The following FGF17 variants were observed in gnomAD, a reference collection of about 807,000 sequenced individuals.
FGF17 encodes fibroblast growth factor 17.
A neutral mutation model predicts 23.5 loss-of-function variants in FGF17; 5 were observed. The observed-to-expected ratio is 0.21, with a 90% CI of 0.11 to 0.45. The LOEUF is 0.45. Among genes scored for constraint, FGF17 ranks in the 20% least tolerant of loss-of-function variants. The pLI, the probability that FGF17 is intolerant of heterozygous loss-of-function variation, is 0.99. For synonymous variants in FGF17, 136 were observed against 123.0 expected (o/e 1.11, Z -0.70); for missense variants, 221 against 306.9 (o/e 0.72, Z 2.09).
chr8:22,043,063 G>T, intron 1 of FGF17, 82 bp from the exon 2 acceptor site: 1 of 1,600,946 alleles, frequency 6.2e-7, no homozygotes. Context: ...CACGGGGCTG[G>T]CAGGGCGGGG....
chr8:22,046,476 T>G, intron 3 of FGF17, 51 bp from the exon 4 acceptor site: 1 of 1,520,344 alleles, frequency 6.6e-7, no homozygotes. Context: ...GCTGTAGCCA[T>G]AGGCCGGCAG....
intron 4 of FGF17, 129 bp from the exon 5 acceptor site, chr8:22,047,827 G>C: frequency 1.2e-6 from 1 of 843,834 alleles, no homozygotes; most frequent in South Asian, 1.8e-5. Flanking sequence ...TCACCAGGCA[G>C]AGTTCCCTGG....
chr8:22,043,207 C>T (rs772732594), intron 2 of FGF17, 26 bp downstream of exon 2: 2 of 1,611,542 alleles, frequency 1.2e-6, no homozygotes. Context: ...CACCGGCTTT[C>T]CCCCAATTTT....
At chr8:22,045,407 G>A (rs1800843567) in intron 2 of FGF17, 1 of 990,244 alleles carries the variant, frequency 1.0e-6, no homozygotes, top group South Asian at 4.5e-5. Context: ...ATAGTGCCCA[G>A]CCCCAGCCCC....
chr8:22,044,579 G>A (rs552540502), intron 2 of FGF17: 2 of 623,996 alleles, frequency 3.2e-6, no homozygotes, highest in Non-Finnish European at 2.0e-6. Flanking sequence ...CCTGAACCTG[G>A]GCCAGGAGGC....
chr8:22,046,702 G>C, intron 4 of FGF17, 69 bp downstream of exon 4: 1 of 983,660 alleles, frequency 1.0e-6, no homozygotes, highest in East Asian at 2.5e-5. Flanking sequence ...AGGGCATCAT[G>C]CTCCCCTCTC....
intron 2 of FGF17, chr8:22,045,721 A>G (rs1800850081): frequency 9.0e-7 from 1 of 1,116,844 alleles, no homozygotes; most frequent in African/African-American, 1.6e-5. Flanking sequence ...TCTGGGGGAG[A>G]TGACAGGCTC....
upstream of FGF17, among the ~76,000 whole-genome samples, chr8:22,040,227 C>A (rs1258494457): frequency 6.6e-6 from 1 of 152,200 alleles, no homozygotes; most frequent in Non-Finnish European, 1.5e-5. Context: ...ACGTGGATGG[C>A]GGTGGTTTTG....
intron 2 of FGF17, among the ~76,000 whole-genome samples, chr8:22,043,537 G>A (rs1415309002): frequency 6.6e-6 from 1 of 152,186 alleles, no homozygotes; most frequent in Non-Finnish European, 1.5e-5. Context: ...GTACCTGAAA[G>A]GACAGGTTTT....
At chr8:22,047,754 C>A (rs1800961952) in intron 4 of FGF17, among the ~76,000 whole-genome samples, 1 of 152,232 alleles carries the variant, frequency 6.6e-6, no homozygotes, top group South Asian at 2.1e-4. Flanking sequence ...GACAAGCCTG[C>A]AACTCAGATC....
Position 22,043,238 on chromosome 8 carries a change from C to T in FGF17, c.72+57C>T, listed in dbSNP as rs3176271. 2.0e-3 allele frequency: 3,101 copies of T among 1,553,208 alleles called. 37 individuals carry two copies. The African/African-American group carries it at 0.033, about 16-fold the overall frequency. On this transcript the variant is annotated intron_variant, in intron 2 of 4. Transcript: ENST00000359441. ...ATTTTTCCACCCTACCTGACCAGGG[C>T]GGGTGCAAGGGACCGGCTCCTTTCA...
At chr8:22,046,950 A>AT (rs3038873) in intron 4 of FGF17, among the ~76,000 whole-genome samples, 8,893 of 120,476 alleles carry the variant, frequency 0.074, 536 homozygotes, top group Middle Eastern at 0.16. Context: ...TGCCCAGCTA[A>AT]TTTTTTTTTT....
In FGF17 at chr8:22,046,544, A is replaced by T; in HGVS notation, c.268A>T (p.Thr90Ser). 6.2e-7 allele frequency: 1 copy of T among 1,613,626 alleles called. No homozygotes were observed. Among genetic ancestry groups the T allele is most frequent in the Non-Finnish European group, 8.5e-7 (1 of 1,179,802 alleles). The change falls in exon 4 of 5, where the codon ACG (threonine) becomes TCG (serine). Residue 90 changes from threonine to serine, a missense_variant. Transcript: ENST00000359441. ...CACCACAGCCAAGCTCATAGTGGAG[A>T]CGGACACGTTTGGCAGCCGGGTTCG... is the stretch of plus-strand genomic sequence containing the variant. ...GNKFAKLIVE[T>S]DTFGSRVRIK...
intron 2 of FGF17, chr8:22,045,235 T>C: frequency 1.0e-6 from 1 of 985,484 alleles, no homozygotes. Context: ...GGGAAGCAGG[T>C]GGGCGGGCGC....
upstream of FGF17, among the ~76,000 whole-genome samples, chr8:22,040,320 C>T (rs1800719121): frequency 6.6e-6 from 1 of 152,340 alleles, no homozygotes; most frequent in South Asian, 2.1e-4. Flanking sequence ...CCACAGGTCA[C>T]ACAGCGTATA....
intron 2 of FGF17, among the ~76,000 whole-genome samples, chr8:22,043,732 A>G (rs1471137047): frequency 2.8e-5 from 4 of 144,942 alleles, no homozygotes; most frequent in South Asian, 4.5e-4. Context: ...GCTTCTCCAC[A>G]CTCCCCCCAC....
intron 3 of FGF17, 30 bp downstream of exon 3, chr8:22,046,321 C>T: frequency 6.2e-7 from 1 of 1,603,270 alleles, no homozygotes. Context: ...CCAGGGCACC[C>T]ACACCTCCAC....
intron 2 of FGF17, among the ~76,000 whole-genome samples, chr8:22,044,355 AG>A (rs1800809558): frequency 6.6e-6 from 1 of 151,836 alleles, no homozygotes; most frequent in South Asian, 2.1e-4. Flanking sequence ...CAGTGGTGGA[AG>A]GGGAGGTCCT....
intron 4 of FGF17, among the ~76,000 whole-genome samples, chr8:22,046,950 ATTT>A (rs3038873): frequency 2.5e-5 from 3 of 120,576 alleles, no homozygotes; most frequent in East Asian, 2.6e-4. Context: ...TGCCCAGCTA[ATTT>A]TTTTTTTTTT....
Sources: gnomAD v4.1 joint callset for allele counts (sites outside exome capture counted in the v4.1 genomes callset) on GRCh38, gnomAD v4.1.1 for gene constraint, MANE v1.5 for transcripts, NCBI Gene and HGNC (gene_info 2026-07-23, HGNC 2026-07-21) for gene names.